Variants in AKAP6 observed in about 807,000 individuals in gnomAD.
The protein encoded by AKAP6 is A-kinase anchoring protein 6.
A neutral mutation model predicts 188.5 loss-of-function variants in AKAP6; 58 were observed. That is an observed-to-expected ratio of 0.31 (90% confidence interval 0.25 to 0.38). The LOEUF (loss-of-function observed/expected upper bound fraction) is 0.38. Ranked by LOEUF, AKAP6 falls within the 10% of genes least tolerant of loss-of-function variation. The probability of loss-of-function intolerance (pLI) is 1.00; values close to 1 mark genes in which losing one functional copy is unlikely to be tolerated. For synonymous variants in AKAP6, 989 were observed against 998.6 expected (o/e 0.99, Z 0.18); for missense variants, 2,710 against 2,740.0 (o/e 0.99, Z 0.24).
In AKAP6 at chr14:32,765,188, C is replaced by A. The variant is rs574436844; in HGVS notation, c.3373-8490C>A. ...GACCTCGTGATCCGCCTGCCTCAGC[C>A]TCCCAAAGTGCTGGGATTACAGGTG... On this transcript the variant is annotated intron_variant, in intron 11 of 13. Coordinates refer to ENST00000280979, the MANE Select transcript of AKAP6 (RefSeq NM_004274.5). 1.6e-4 allele frequency among the ~76,000 whole-genome samples: 25 copies of A among 152,254 alleles called. No individual in the cohort carries two copies. The East Asian group carries it at 4.8e-3, about 29-fold the overall frequency.
rs1879634588 is a variant in AKAP6, at chr14:32,485,524, A to G, written c.325-50030A>G. 1.3e-5 allele frequency among the ~76,000 whole-genome samples: 2 copies of G among 152,162 alleles called. 1 individual carries two copies. The highest frequency in any genetic ancestry group is 4.1e-4 in the South Asian group (2 of 4,832). On this transcript the variant is annotated intron_variant, in intron 2 of 13. Coordinates refer to ENST00000280979, the MANE Select transcript of AKAP6 (RefSeq NM_004274.5). ...GCCATTCTAACTGGTGTGAGATGGT[A>G]TCTCATTGTGGTTTTGATTTGCATT...
intron 2 of AKAP6, among the ~76,000 whole-genome samples, chr14:32,506,172 A>T (rs1385143383): frequency 2.6e-5 from 4 of 152,158 alleles, no homozygotes; most frequent in African/African-American, 9.7e-5. Context: ...AATAATTATA[A>T]AATGAGATAT....
chr14:32,668,885 TG>T (rs1402148429), intron 7 of AKAP6, among the ~76,000 whole-genome samples: 2 of 152,126 alleles, frequency 1.3e-5, no homozygotes, highest in African/African-American at 4.8e-5. Flanking sequence ...GAAATAACTT[TG>T]ATATTATTAA....
intron 2 of AKAP6, among the ~76,000 whole-genome samples, chr14:32,462,289 A>C (rs1891353337): frequency 6.6e-6 from 1 of 152,152 alleles, no homozygotes; most frequent in Non-Finnish European, 1.5e-5. Flanking sequence ...CAGATTTTCC[A>C]AGGTTGTAAT....
At chr14:32,576,375 TTC>T (rs1490388092) in intron 4 of AKAP6, among the ~76,000 whole-genome samples, 1 of 152,192 alleles carries the variant, frequency 6.6e-6, no homozygotes, top group East Asian at 1.9e-4. Flanking sequence ...TCAAAATATT[TTC>T]TGTTTCTACA....
intron 5 of AKAP6, among the ~76,000 whole-genome samples, chr14:32,583,178 C>T (rs1885060565): frequency 6.6e-6 from 1 of 152,116 alleles, no homozygotes; most frequent in African/African-American, 2.4e-5. Flanking sequence ...GTGTAGGTGT[C>T]CTTTCTGTTT....
At chr14:32,737,582 CTTT>C (rs528941331) in intron 11 of AKAP6, among the ~76,000 whole-genome samples, 4 of 152,184 alleles carry the variant, frequency 2.6e-5, no homozygotes, top group African/African-American at 9.6e-5. Context: ...ACTGAAGAAC[CTTT>C]TTACATATGG....
intron 2 of AKAP6, among the ~76,000 whole-genome samples, chr14:32,486,907 GA>G (rs1369808698): frequency 6.6e-6 from 1 of 152,174 alleles, no homozygotes; most frequent in Non-Finnish European, 1.5e-5. Flanking sequence ...TTTTCAAAGG[GA>G]ATGCTTCCAG....
In AKAP6 at chr14:32,615,167, CA is replaced by C. The variant is rs71115086; in HGVS notation, c.2730+14394del. Reference sequence around the variant, plus strand: ...CTGGCAACAGAGCAAGACTCTGTCTCAAAAAAAAAAAAAAAAAAAGATAAAC... The same window carrying C: ...CTGGCAACAGAGCAAGACTCTGTCTCAAAAAAAAAAAAAAAAAAGATAAAC... On this transcript the variant is annotated intron_variant, in intron 7 of 13. Transcript: ENST00000280979. Among the ~76,000 whole-genome samples, 358 of 53,502 alleles carry C rather than the reference CA, an allele frequency of 6.7e-3. 22 individuals are homozygous for C. The highest frequency in any genetic ancestry group is 0.011 in the Middle Eastern group (1 of 90). 35.1% of individuals were successfully genotyped at this position (53,502 alleles called of 152,430 possible). A position where few individuals can be genotyped will look rare whatever the true frequency, so the allele number is the denominator to read the frequency against.
chr14:32,334,549 A>G (rs932947618), intron 1 of AKAP6, among the ~76,000 whole-genome samples: 7 of 152,154 alleles, frequency 4.6e-5, no homozygotes, highest in African/African-American at 1.7e-4. Flanking sequence ...AGTTATTGTT[A>G]ATCTCTTATT....
intron 2 of AKAP6, among the ~76,000 whole-genome samples, chr14:32,532,491 T>C (rs566600860): frequency 1.3e-5 from 2 of 152,188 alleles, no homozygotes; most frequent in Non-Finnish European, 2.9e-5. Context: ...CCCATGACCT[T>C]GTTCTGACTA....
chr14:32,594,124 A>G (rs930159647), intron 5 of AKAP6, among the ~76,000 whole-genome samples: 1 of 152,130 alleles, frequency 6.6e-6, no homozygotes, highest in Admixed American at 6.5e-5. Flanking sequence ...CCGTGTTTTA[A>G]TGCTTTACAT....
At chr14:32,725,100 CT>C (rs898713581) in intron 9 of AKAP6, among the ~76,000 whole-genome samples, 1 of 148,718 alleles carries the variant, frequency 6.7e-6, no homozygotes, top group Non-Finnish European at 1.5e-5. Context: ...GTTCACATGC[CT>C]TCACAGTAAC....
intron 1 of AKAP6, among the ~76,000 whole-genome samples, chr14:32,408,248 G>A (rs998842800): frequency 6.6e-6 from 1 of 152,056 alleles, no homozygotes; most frequent in African/African-American, 2.4e-5. Context: ...CAGGGAAGGA[G>A]GGGAAAAGAA....
At chr14:32,539,717 G>A (rs1594723233) in intron 3 of AKAP6, among the ~76,000 whole-genome samples, 1 of 152,186 alleles carries the variant, frequency 6.6e-6, no homozygotes, top group African/African-American at 2.4e-5. Context: ...TTTTGTATAT[G>A]TTTTCCCCTT....
At chr14:32,710,199 A>C (rs1289564766) in intron 9 of AKAP6, among the ~76,000 whole-genome samples, 28 of 7,790 alleles carry the variant, frequency 3.6e-3, no homozygotes, top group East Asian at 0.015. Flanking sequence ...AATGGACCCA[A>C]AAAAAAAAAA....
chr14:32,746,548 A>C (rs566425430), intron 11 of AKAP6, among the ~76,000 whole-genome samples: 2 of 152,240 alleles, frequency 1.3e-5, no homozygotes, highest in East Asian at 3.9e-4. Flanking sequence ...TCTGAGATGC[A>C]AGACAGTCAG....
intron 4 of AKAP6, among the ~76,000 whole-genome samples, chr14:32,556,909 TTCTC>T (rs894686829): frequency 2.0e-5 from 3 of 151,906 alleles, no homozygotes; most frequent in African/African-American, 7.3e-5. Context: ...GGTCTTTGAG[TTCTC>T]TCTCTCTCTT....
chr14:32,699,677 A>G (rs1481085715), intron 9 of AKAP6, among the ~76,000 whole-genome samples: 1 of 152,024 alleles, frequency 6.6e-6, no homozygotes, highest in East Asian at 1.9e-4. Context: ...GGAGCCTTCT[A>G]TATCTATTTT....
Sources: allele counts gnomAD v4.1 joint callset (sites outside exome capture counted in the v4.1 genomes callset), GRCh38; gene constraint gnomAD v4.1.1; transcripts MANE v1.5; gene names NCBI Gene and HGNC (gene_info 2026-07-23, HGNC 2026-07-21).